THSD7B: variants seen among roughly 807,000 people sequenced by gnomAD.
The protein encoded by THSD7B is thrombospondin type-1 domain-containing protein 7B.
THSD7B carries 138 observed loss-of-function variants against 213.6 expected under a neutral mutation model. That is an observed-to-expected ratio of 0.65 (90% CI 0.56 to 0.74). The LOEUF is 0.74. Ranked by LOEUF, THSD7B falls within the 30% of genes least tolerant of loss-of-function variation. The pLI, the probability that THSD7B is intolerant of heterozygous loss-of-function variation, is 0.00. For synonymous variants in THSD7B, 742 were observed against 687.0 expected, an observed-to-expected ratio of 1.08 and a Z score of -1.25; for missense variants, 1,931 against 1,991.5, an observed-to-expected ratio of 0.97 and a Z score of 0.58.
At chr2:137,149,483 A>T (rs562439307) in intron 5 of THSD7B, among the ~76,000 whole-genome samples, 1 of 152,170 alleles carries the variant, frequency 6.6e-6, no homozygotes, top group African/African-American at 2.4e-5. Flanking sequence ...AGTGAATCCC[A>T]TGAGCCTTCC....
intron 7 of THSD7B, among the ~76,000 whole-genome samples, chr2:137,211,825 C>T (rs1228072778): frequency 6.6e-6 from 1 of 152,008 alleles, no homozygotes; most frequent in African/African-American, 2.4e-5. Flanking sequence ...ATGCACCTGC[C>T]TATTATCACA....
chr2:137,007,627 T>C (rs1208032576), intron 2 of THSD7B, among the ~76,000 whole-genome samples: 1 of 152,154 alleles, frequency 6.6e-6, no homozygotes, highest in Non-Finnish European at 1.5e-5. Context: ...ACTTGGACCA[T>C]TGACTGTTGC....
At chr2:137,105,441 C>T (rs1283534215) in intron 4 of THSD7B, among the ~76,000 whole-genome samples, 5 of 152,116 alleles carry the variant, frequency 3.3e-5, no homozygotes, top group Non-Finnish European at 4.4e-5. Context: ...AAACCCACAG[C>T]CAATATCATA....
intron 2 of THSD7B, among the ~76,000 whole-genome samples, chr2:137,055,624 T>G (rs1025109998): frequency 6.6e-6 from 1 of 152,144 alleles, no homozygotes. Flanking sequence ...CCTACACAAA[T>G]GAATTAGTTA....
chr2:137,446,667 A>G (rs1357145094), intron 14 of THSD7B, among the ~76,000 whole-genome samples: 1 of 152,090 alleles, frequency 6.6e-6, no homozygotes, highest in Non-Finnish European at 1.5e-5. Flanking sequence ...ATAGAACACT[A>G]AAGTATCCCT....
chr2:136,869,516 T>A (rs931759035), intron 1 of THSD7B, among the ~76,000 whole-genome samples: 2 of 152,218 alleles, frequency 1.3e-5, no homozygotes, highest in African/African-American at 4.8e-5. Flanking sequence ...CCTGACAACA[T>A]CTTTTATTGA....
At chr2:137,364,156 A>G (rs1685344483) in intron 12 of THSD7B, among the ~76,000 whole-genome samples, 1 of 152,214 alleles carries the variant, frequency 6.6e-6, no homozygotes, top group African/African-American at 2.4e-5. Flanking sequence ...GATTATCTCA[A>G]AAGATGCAGC....
chr2:137,554,763 G>T (rs142145517), intron 15 of THSD7B, among the ~76,000 whole-genome samples: 1 of 152,100 alleles, frequency 6.6e-6, no homozygotes, highest in Non-Finnish European at 1.5e-5. Flanking sequence ...CACCTCACCC[G>T]GGAAGCACAA....
chr2:136,899,761 T>C (rs566016626), intron 2 of THSD7B, among the ~76,000 whole-genome samples: 12 of 152,318 alleles, frequency 7.9e-5, no homozygotes, highest in South Asian at 2.1e-4. Context: ...AGAATACTTA[T>C]GTAGAGTATT....
At chr2:136,789,736 A>G (rs2104912796) in intron 1 of THSD7B, among the ~76,000 whole-genome samples, 1 of 152,230 alleles carries the variant, frequency 6.6e-6, no homozygotes, top group African/African-American at 2.4e-5. Flanking sequence ...GAATTTTCTT[A>G]TGGGGAATTA....
At chr2:137,285,264 T>G (rs1245312827) in intron 12 of THSD7B, among the ~76,000 whole-genome samples, 1 of 152,168 alleles carries the variant, frequency 6.6e-6, no homozygotes, top group Non-Finnish European at 1.5e-5. Context: ...TAGATCTTCC[T>G]CCATCCCTGT....
At chr2:137,314,514 G>A (rs1481707646) in intron 12 of THSD7B, among the ~76,000 whole-genome samples, 1 of 152,194 alleles carries the variant, frequency 6.6e-6, no homozygotes, top group African/African-American at 2.4e-5. Flanking sequence ...CCTCGTCAAA[G>A]TCATTCTCCA....
rs370446180 is a variant in THSD7B at position 137,268,316 on chromosome 2, C to G, written c.2267-4217C>G. On this transcript the variant is annotated intron_variant, in intron 10 of 27. Coordinates refer to ENST00000409968, the MANE Select transcript of THSD7B (RefSeq NM_001316349.2). ...TATCCCTCCCCCAGGCCCCCACCCCCCAACAGGCCCCAGTGTGTGATGTTC... is the reference window on the plus strand; with the variant it reads ...TATCCCTCCCCCAGGCCCCCACCCCGCAACAGGCCCCAGTGTGTGATGTTC... 1.3e-4 allele frequency among the ~76,000 whole-genome samples: 19 copies of G among 151,594 alleles called. No homozygotes were observed. The South Asian group carries it at 1.9e-3, about 15-fold the overall frequency.
At chr2:136,905,976 A>G (rs2105017618) in intron 2 of THSD7B, among the ~76,000 whole-genome samples, 1 of 152,354 alleles carries the variant, frequency 6.6e-6, no homozygotes, top group Middle Eastern at 3.4e-3. Flanking sequence ...TTGTTTGCCT[A>G]GGCAGCTCTA....
intron 1 of THSD7B, among the ~76,000 whole-genome samples, chr2:136,771,144 A>G (rs908446874): frequency 1.3e-5 from 2 of 152,070 alleles, no homozygotes; most frequent in Non-Finnish European, 2.9e-5. Flanking sequence ...CTCTGTTTCT[A>G]GTCTTCAGAA....
At chr2:137,072,082 C>T (rs541648580) in intron 3 of THSD7B, among the ~76,000 whole-genome samples, 54 of 152,222 alleles carry the variant, frequency 3.5e-4, no homozygotes, top group African/African-American at 9.1e-4. Flanking sequence ...ATTGACTTGG[C>T]GATGCAGGCT....
chr2:136,776,537 T>G (rs1436709035), intron 1 of THSD7B, among the ~76,000 whole-genome samples: 1 of 152,054 alleles, frequency 6.6e-6, no homozygotes. Flanking sequence ...GAGACTCAAA[T>G]CCTTATAATC....
At chr2:137,025,015 T>C (rs1359254806) in intron 2 of THSD7B, among the ~76,000 whole-genome samples, 3 of 152,158 alleles carry the variant, frequency 2.0e-5, no homozygotes, top group Non-Finnish European at 4.4e-5. Context: ...ATTTTGCTTA[T>C]CGTAAGTCAT....
intron 1 of THSD7B, among the ~76,000 whole-genome samples, chr2:136,817,123 G>A (rs1461429336): frequency 6.6e-6 from 1 of 152,182 alleles, no homozygotes. Flanking sequence ...GTAACATGCT[G>A]ACCGGATGTA....
Sources: gnomAD v4.1 joint callset for allele counts (sites outside exome capture counted in the v4.1 genomes callset) on GRCh38, gnomAD v4.1.1 for gene constraint, MANE v1.5 for transcripts, NCBI Gene and HGNC (gene_info 2026-07-23, HGNC 2026-07-21) for gene names.